BRCA2: variants seen among roughly 807,000 people sequenced by gnomAD.
The protein encoded by BRCA2 is BRCA2 DNA repair associated, also known as breast cancer type 2 susceptibility protein.
In BRCA2, 203 loss-of-function variants were observed where a neutral mutation model predicts 276.7. The ratio of observed to expected loss-of-function variants is 0.73; its 90% confidence interval spans 0.65 to 0.82. The LOEUF (loss-of-function observed/expected upper bound fraction) is 0.82, where lower values mean the gene tolerates loss of function less well. Among genes scored for constraint, BRCA2 ranks in the 40% least tolerant of loss-of-function variants. The pLI is 0.00. For synonymous variants in BRCA2, 1,289 were observed against 1,338.4 expected (o/e 0.96, Z 0.81); for missense variants, 3,920 against 3,915.0 (o/e 1.00, Z -0.03).
rs763224070 is a variant in BRCA2, at chr13:32,371,105, A to G, written c.8632+5A>G. 6.2e-7 allele frequency: 1 copy of G among 1,613,182 alleles called. No individual in the cohort carries two copies. Among genetic ancestry groups the G allele is most frequent in the East Asian group, 2.2e-5 (1 of 44,836 alleles). On this transcript the variant is annotated splice_donor_5th_base_variant and intron_variant, in intron 20 of 26. Coordinates refer to ENST00000380152, the MANE Select transcript of BRCA2 (RefSeq NM_000059.4). ...AGGAATTTGAAGAACATGAAGGTAA[A>G]ATTAGTTATATGGTACACATTGTTA...
At chr13:32,327,502 T>A (rs1379330489) in intron 7 of BRCA2, among the ~76,000 whole-genome samples, 1 of 151,892 alleles carries the variant, frequency 6.6e-6, no homozygotes, top group Non-Finnish European at 1.5e-5. Context: ...AAACCCTGTC[T>A]CTATTAAAAT....
At chr13:32,327,140 A>G (rs375802941) in intron 7 of BRCA2, among the ~76,000 whole-genome samples, 7 of 152,328 alleles carry the variant, frequency 4.6e-5, no homozygotes, top group African/African-American at 1.7e-4. Context: ...TTCTCTTACT[A>G]GGATCTAGAA....
intron 12 of BRCA2, among the ~76,000 whole-genome samples, chr13:32,345,139 TTC>T: frequency 6.6e-6 from 1 of 152,118 alleles, no homozygotes; most frequent in Non-Finnish European, 1.5e-5. Flanking sequence ...TCACTTATTT[TTC>T]TTGTAGGTGA....
chr13:32,366,407 G>C (rs574376869), intron 18 of BRCA2, among the ~76,000 whole-genome samples: 103 of 152,282 alleles, frequency 6.8e-4, no homozygotes, highest in African/African-American at 2.4e-3. Context: ...TATGATTATA[G>C]AGAACAGGGA....
rs189312027 is a variant in BRCA2 at position 32,347,200 on chromosome 13, A to G, written c.7007+304A>G. ...GTTAACAAAAAGATTGCAGATATTA[A>G]AAATATCCTTTTATCTCTCCTCTCT... On this transcript the variant is annotated intron_variant, in intron 13 of 26. Coordinates refer to ENST00000380152, the MANE Select transcript of BRCA2 (RefSeq NM_000059.4). Among the ~76,000 whole-genome samples the G allele has an allele frequency of 1.5e-4, 23 of 152,306 alleles. 1 individual carries two copies. Among genetic ancestry groups the G allele is most frequent in the Admixed American group, 1.4e-3 (22 of 15,286 alleles).
Position 32,325,265 on chromosome 13 carries a change from T to C in BRCA2, c.425+81T>C, listed in dbSNP as rs1356182048. 3 of 1,110,914 alleles carry C rather than the reference T, an allele frequency of 2.7e-6. No individual in the cohort carries two copies. In the Admixed American group the frequency reaches 6.4e-5, roughly 24 times the overall value. 68.8% of individuals were successfully genotyped at this position (1,110,914 alleles called of 1,614,324 possible). The stretch of plus-strand genomic sequence containing the variant: ...TTGTTCTATAAAGATGAATCTGATT[T>C]TTATGCTAATATTTTGGCTAAGAGC... On this transcript the variant is annotated intron_variant, in intron 4 of 26. Transcript: ENST00000380152.
chr13:32,356,507 A>G lies in BRCA2; in HGVS notation c.7515A>G (p.Pro2505=), dbSNP rs906132002. Residue 2505 remains proline (P), a synonymous_variant, in exon 15 of 27, where the codon CCA becomes CCG. Transcript: ENST00000380152. ...AGAAACAAAGGCAACGCGTCTTTCC[A>G]CAGCCAGGCAGTCTGTATCTTGCAA... The part of the protein sequence containing the change: ...IKKKQRQRVF[P]QPGSLYLAKT... 1 of 1,614,140 alleles carries G rather than the reference A, an allele frequency of 6.2e-7. No individual in the cohort carries two copies. The highest frequency in any genetic ancestry group is 8.5e-7 in the Non-Finnish European group (1 of 1,180,038).
intron 15 of BRCA2, 55 bp from the exon 16 acceptor site, chr13:32,357,687 G>A: frequency 6.4e-7 from 1 of 1,550,544 alleles, no homozygotes. Flanking sequence ...TTTATTGTGT[G>A]ATACATGTTT....
In BRCA2 at chr13:32,344,687, C is replaced by T. The variant is rs1555285174; in HGVS notation, c.6937+34C>T. On this transcript the variant is annotated intron_variant, in intron 12 of 26. Coordinates refer to ENST00000380152, the MANE Select transcript of BRCA2 (RefSeq NM_000059.4). ...AGCTTTTTATTTATATCTGTTCTCC[C>T]TCTATAGGTATGGTATATAATATTC... 1 of 1,392,510 alleles carries T rather than the reference C, an allele frequency of 7.2e-7. No homozygotes were observed. The highest frequency in any genetic ancestry group is 1.0e-6 in the Non-Finnish European group (1 of 981,582). 86.3% of individuals were successfully genotyped at this position (1,392,510 alleles called of 1,614,324 possible). A position where few individuals can be genotyped will look rare whatever the true frequency, so the allele number is the denominator to read the frequency against.
chr13:32,394,413 G>A lies in BRCA2; in HGVS notation c.9257-276G>A, dbSNP rs11571815. On this transcript the variant is annotated intron_variant, in intron 24 of 26. Coordinates refer to ENST00000380152, the MANE Select transcript of BRCA2 (RefSeq NM_000059.4). ...TGCCAAATTTATCTCCAGAAATCTT[G>A]CACAAATCTGTACTCCTGTTAGCAA... Among the ~76,000 whole-genome samples, 920 of 152,292 alleles carry A rather than the reference G, an allele frequency of 6.0e-3. 3 individuals carry two copies. The highest frequency in any genetic ancestry group is 0.01 in the Middle Eastern group (3 of 294).
rs572428689 is a variant in BRCA2, at chr13:32,335,070, G to A, written c.1910-1195G>A. Among the ~76,000 whole-genome samples the A allele has an allele frequency of 3.9e-5, 6 of 152,138 alleles. No homozygotes were observed. The South Asian group carries it at 6.2e-4, about 16-fold the overall frequency. ...ATGAAAAAGCTAATATAGGCCAGGC[G>A]CAGTGGCTCACGCCTATAATCCCAG... On this transcript the variant is annotated intron_variant, in intron 10 of 26. Transcript: ENST00000380152.
chr13:32,380,231 C>A (rs2137626350), intron 24 of BRCA2, 86 bp downstream of exon 24: 1 of 1,412,566 alleles, frequency 7.1e-7, no homozygotes, highest in Non-Finnish European at 9.5e-7. Flanking sequence ...TTGGAGCTAC[C>A]AGTTGGCAAA....
At chr13:32,319,408 T>C in intron 3 of BRCA2, 83 bp downstream of exon 3, 1 of 1,370,874 alleles carries the variant, frequency 7.3e-7, no homozygotes, top group Non-Finnish European at 1.0e-6. Context: ...AGCTCATTCA[T>C]TAATTGTGTC....
Position 32,357,877 on chromosome 13 carries a change from G to A in BRCA2, c.7753G>A (p.Gly2585Arg), listed in dbSNP as rs80359002. The part of the protein sequence containing the change: ...TGKGIQLADG[G>R]WLIPSNDGKA... Reference sequence around the variant, plus strand: ...AAAAGGAATACAGTTGGCTGATGGTGGATGGCTCATACCCTCCAATGATGG... The same window carrying A: ...AAAAGGAATACAGTTGGCTGATGGTAGATGGCTCATACCCTCCAATGATGG... Residue 2585 changes from glycine to arginine, a missense_variant, in exon 16 of 27, where the codon GGA becomes AGA. Physicochemically the swap from Gly to Arg is moderately radical, Grantham distance 125. Transcript: ENST00000380152. 1 of 1,614,066 alleles carries A rather than the reference G, an allele frequency of 6.2e-7. No individual in the cohort carries two copies. Among genetic ancestry groups the A allele is most frequent in the Non-Finnish European group, 8.5e-7 (1 of 1,180,010 alleles).
At chr13:32,389,808 TTA>T (rs2072984954) in intron 24 of BRCA2, among the ~76,000 whole-genome samples, 2 of 152,204 alleles carry the variant, frequency 1.3e-5, no homozygotes. Context: ...GAACCTTTCC[TTA>T]TGTCAGTCAG....
chr13:32,325,161 T>G lies in BRCA2; in HGVS notation c.402T>G (p.Leu134=). ...MDQADDVSCP[L]LNSCLSESPV... ...AAGCAGATGATGTTTCCTGTCCACT[T>G]CTAAATTCTTGTCTTAGTGAAAGGT... The change falls in exon 4 of 27, where the codon CTT becomes CTG. Residue 134 remains leucine, a synonymous_variant. Transcript: ENST00000380152. 1 of 1,598,636 alleles carries G rather than the reference T, an allele frequency of 6.3e-7. No homozygotes were observed. The highest frequency in any genetic ancestry group is 2.2e-5 in the East Asian group (1 of 44,764).
chr13:32,333,485 A>C lies in BRCA2; in HGVS notation c.1909+98A>C, dbSNP rs865968052. 13 of 1,318,588 alleles carry C rather than the reference A, an allele frequency of 9.9e-6. No individual in the cohort carries two copies. In the East Asian group the frequency reaches 1.2e-4, roughly 12 times the overall value. The allele number at this position is 1,318,588 out of a possible 1,614,324, so 81.7% of individuals were successfully genotyped here. A position where few individuals can be genotyped will look rare whatever the true frequency, so the allele number is the denominator to read the frequency against. On this transcript the variant is annotated intron_variant, in intron 10 of 26. Coordinates refer to ENST00000380152, the MANE Select transcript of BRCA2 (RefSeq NM_000059.4). ...CTGCTTTTTAAAATCTTCATATCTT[A>C]TATTTAATCTTAGGCATCATCTGTA...
At chr13:32,368,655 G>A (rs1359249678) in intron 18 of BRCA2, among the ~76,000 whole-genome samples, 1 of 151,714 alleles carries the variant, frequency 6.6e-6, no homozygotes, top group Non-Finnish European at 1.5e-5. Flanking sequence ...GTAATGTAGT[G>A]ATTTAGTTTT....
Position 32,368,898 on chromosome 13 carries a change from C to T in BRCA2, c.8332-1504C>T, listed in dbSNP as rs572993011. On this transcript the variant is annotated intron_variant, in intron 18 of 26. Coordinates refer to ENST00000380152, the MANE Select transcript of BRCA2 (RefSeq NM_000059.4). The stretch of plus-strand genomic sequence containing the variant: ...CGATCTCGGCTCACTGCAACCTCCA[C>T]CTCCCAGGTTCGAGGAATTCTCCTG... 6.6e-5 allele frequency among the ~76,000 whole-genome samples: 10 copies of T among 151,404 alleles called. No individual in the cohort carries two copies. The East Asian group carries it at 9.8e-4, about 15-fold the overall frequency.
Sources: allele counts gnomAD v4.1 joint callset (sites outside exome capture counted in the v4.1 genomes callset), GRCh38; gene constraint gnomAD v4.1.1; transcripts MANE v1.5; gene names NCBI Gene and HGNC (gene_info 2026-07-23, HGNC 2026-07-21).